CPEB1: variants seen among roughly 807,000 people sequenced by gnomAD.
CPEB1 encodes cytoplasmic polyadenylation element binding protein 1.
Under a neutral mutation model 65.8 loss-of-function variants are expected in CPEB1, and 7 were observed. The observed-to-expected ratio is 0.11, with a 90% CI of 0.06 to 0.20. The LOEUF is 0.20. Ranked by LOEUF, CPEB1 falls within the 10% of genes least tolerant of loss-of-function variation. The pLI, the probability that CPEB1 is intolerant of heterozygous loss-of-function variation, is 1.00. For synonymous variants in CPEB1, 262 were observed against 260.0 expected (o/e 1.01, Z -0.08); for missense variants, 551 against 712.2 (o/e 0.77, Z 2.58).
Position 82,543,578 on chromosome 15 carries a change from G to C in CPEB1, c.*1014C>G, listed in dbSNP as rs1409019191. On this transcript the variant is annotated 3_prime_UTR_variant, in exon 13 of 13. Coordinates refer to ENST00000684509, the MANE Select transcript of CPEB1 (RefSeq NM_001365242.1). ...CATTCCTCAAATTAAAGATATAAGG[G>C]AAGGGTACTTGCCCCCTCTAAGAGA... 1 of 151,284 alleles carries C rather than the reference G, an allele frequency of 6.6e-6. No homozygotes were observed. Among genetic ancestry groups the C allele is most frequent in the Non-Finnish European group, 1.5e-5 (1 of 67,970 alleles). The allele number at this position is 151,284 out of a possible 1,614,324, so 9.4% of individuals were successfully genotyped here. A position where few individuals can be genotyped will look rare whatever the true frequency, so the allele number is the denominator to read the frequency against.
chr15:82,617,887 C>A lies in CPEB1; in HGVS notation c.271+9306G>T, dbSNP rs975075450. Among the ~76,000 whole-genome samples, 5 of 150,918 alleles carry A rather than the reference C, an allele frequency of 3.3e-5. No homozygotes were observed. In the South Asian group the frequency reaches 8.4e-4, roughly 25 times the overall value. ...TAGCTGGGACTACAGGCGCCCGCCA[C>A]TACGCCCGGCTAATTTTTTGTATTT... On this transcript the variant is annotated intron_variant, in intron 3 of 12. Coordinates refer to ENST00000684509, the MANE Select transcript of CPEB1 (RefSeq NM_001365242.1).
At chr15:82,565,822 T>C (rs144430759) in intron 4 of CPEB1, among the ~76,000 whole-genome samples, 14 of 152,314 alleles carry the variant, frequency 9.2e-5, no homozygotes, top group African/African-American at 3.4e-4. Context: ...TGTCCAAGTG[T>C]CCAGCAAATT....
Position 82,584,677 on chromosome 15 carries a change from C to CAA in CPEB1, c.272-13147_272-13146dup, listed in dbSNP as rs11320676. Among the ~76,000 whole-genome samples, 261 of 83,698 alleles carry CAA rather than the reference C, an allele frequency of 3.1e-3. 2 individuals are homozygous for CAA. The highest frequency in any genetic ancestry group is 9.4e-3 in the African/African-American group (238 of 25,454). The allele number at this position is 83,698 out of a possible 152,430, so 54.9% of individuals were successfully genotyped here. The stretch of plus-strand genomic sequence containing the variant: ...TGGGCAAGACAGAGCGAGACTCCAT[C>CAA]AAAAAAAAAAAAAAAAAAATCCCAT... On this transcript the variant is annotated intron_variant, in intron 3 of 12. Transcript: ENST00000684509.
chr15:82,594,458 C>T (rs1400202861), intron 3 of CPEB1, among the ~76,000 whole-genome samples: 1 of 152,206 alleles, frequency 6.6e-6, no homozygotes, highest in Non-Finnish European at 1.5e-5. Flanking sequence ...CCTCTCTCAG[C>T]CTTCTCAGAA....
chr15:82,602,986 G>A (rs1596089720), intron 3 of CPEB1, among the ~76,000 whole-genome samples: 1 of 152,266 alleles, frequency 6.6e-6, no homozygotes, highest in East Asian at 1.9e-4. Flanking sequence ...AATAAACTTT[G>A]TCAGAACTCT....
chr15:82,562,170 T>C (rs79269340), intron 4 of CPEB1: 1 of 435,898 alleles, frequency 2.3e-6, no homozygotes, highest in Admixed American at 2.6e-5. Context: ...TTTTTTTTTT[T>C]AATCTTTAGG....
At position 82,543,425 on chromosome 15, in the gene CPEB1, G is replaced by A. The variant is rs1347175874; in HGVS notation, c.*1167C>T. 1 of 149,786 alleles carries A rather than the reference G, an allele frequency of 6.7e-6. No individual in the cohort carries two copies. The highest frequency in any genetic ancestry group is 1.5e-5 in the Non-Finnish European group (1 of 67,744). The allele number at this position is 149,786 out of a possible 1,614,324, so 9.3% of individuals were successfully genotyped here. Reference sequence around the variant, plus strand: ...TCTTTGGCACACAGCTTCCCTAGGAGGGGCAAGTAGTTTTTGTGGGTTTTT... The same window carrying A: ...TCTTTGGCACACAGCTTCCCTAGGAAGGGCAAGTAGTTTTTGTGGGTTTTT... On this transcript the variant is annotated 3_prime_UTR_variant, in exon 13 of 13. Transcript: ENST00000684509.
At chr15:82,547,553 CA>C (rs941006743) in intron 10 of CPEB1, among the ~76,000 whole-genome samples, 7 of 152,164 alleles carry the variant, frequency 4.6e-5, no homozygotes, top group African/African-American at 1.7e-4. Flanking sequence ...CTCAGCCTCC[CA>C]AAGTGCTGGG....
In CPEB1 at chr15:82,639,149, G is replaced by A. The variant is rs1368537045; in HGVS notation, c.-98+7988C>T. Among the ~76,000 whole-genome samples, 3 of 152,334 alleles carry A rather than the reference G, an allele frequency of 2.0e-5. No individual in the cohort carries two copies. The East Asian group carries it at 5.8e-4, about 29-fold the overall frequency. ...GTAAAGGCCAAGTTCCTTATCAATA[G>A]CATATAAAACCCTTCATGGTCCGCC... On this transcript the variant is annotated intron_variant, in intron 1 of 12. Transcript: ENST00000684509.
intron 3 of CPEB1, among the ~76,000 whole-genome samples, chr15:82,605,929 C>T (rs1052034640): frequency 2.6e-5 from 4 of 151,846 alleles, no homozygotes; most frequent in Non-Finnish European, 4.4e-5. Context: ...TCCCCGTTAC[C>T]CGGGAGGCTG....
At chr15:82,557,232 T>C (rs528755785) in intron 5 of CPEB1, among the ~76,000 whole-genome samples, 1 of 152,334 alleles carries the variant, frequency 6.6e-6, no homozygotes, top group African/African-American at 2.4e-5. Context: ...ACTGAGGCAA[T>C]GTTTCATAGA....
intron 3 of CPEB1, among the ~76,000 whole-genome samples, chr15:82,616,220 G>A (rs968924834): frequency 3.9e-5 from 6 of 152,064 alleles, no homozygotes; most frequent in African/African-American, 1.4e-4. Context: ...GAGAGCATGA[G>A]TGTATTTGTT....
At chr15:82,638,493 T>C (rs566325673) in intron 1 of CPEB1, 3 of 152,392 alleles carry the variant, frequency 2.0e-5, no homozygotes, top group South Asian at 2.1e-4. Context: ...TTCTTATTTT[T>C]TTCTTCAGTG....
At chr15:82,607,798 C>T (rs1265813042) in intron 3 of CPEB1, among the ~76,000 whole-genome samples, 1 of 152,082 alleles carries the variant, frequency 6.6e-6, no homozygotes, top group Non-Finnish European at 1.5e-5. Flanking sequence ...ATTATAAACA[C>T]CAATGAACCT....
chr15:82,647,542 G>T (rs769615963), upstream of CPEB1: 2 of 289,890 alleles, frequency 6.9e-6, no homozygotes, highest in Non-Finnish European at 1.3e-5. Context: ...TGTCCGGTCA[G>T]CTCCCGTCTG....
chr15:82,588,227 G>A (rs181661937), intron 3 of CPEB1, among the ~76,000 whole-genome samples: 8 of 152,126 alleles, frequency 5.3e-5, no homozygotes, highest in African/African-American at 1.7e-4. Context: ...GATTACAGGT[G>A]TGAGTGACCG....
intron 3 of CPEB1, among the ~76,000 whole-genome samples, chr15:82,581,164 T>G (rs139929666): frequency 5.9e-5 from 9 of 152,320 alleles, no homozygotes; most frequent in Non-Finnish European, 8.8e-5. Context: ...CATTCACTGA[T>G]AGGATTTTGC....
intron 1 of CPEB1, among the ~76,000 whole-genome samples, chr15:82,638,282 C>T (rs1171075967): frequency 6.6e-6 from 1 of 152,148 alleles, no homozygotes; most frequent in Non-Finnish European, 1.5e-5. Context: ...TACATTAAAA[C>T]ACATGGGTCA....
intron 4 of CPEB1, among the ~76,000 whole-genome samples, chr15:82,567,289 T>A (rs1251359868): frequency 6.6e-6 from 1 of 152,150 alleles, no homozygotes; most frequent in Non-Finnish European, 1.5e-5. Flanking sequence ...ATGGGGAGCC[T>A]GCAAGTGACA....
Sources: gnomAD v4.1 joint callset for allele counts (sites outside exome capture counted in the v4.1 genomes callset) on GRCh38, gnomAD v4.1.1 for gene constraint, MANE v1.5 for transcripts, NCBI Gene and HGNC (gene_info 2026-07-23, HGNC 2026-07-21) for gene names.